The following CCDC73 variants were observed in gnomAD, a reference collection of about 807,000 sequenced individuals.
The protein encoded by CCDC73 is coiled-coil domain-containing protein 73.
A neutral mutation model predicts 116.5 loss-of-function variants in CCDC73; 95 were observed. The ratio of observed to expected loss-of-function variants is 0.82; its 90% CI spans 0.69 to 0.97. CCDC73 has a LOEUF of 0.97. Among genes scored for constraint, CCDC73 ranks in the 50% least tolerant of loss-of-function variants. The pLI is 0.00. For missense variants in CCDC73, 1,066 were observed against 1,206.8 expected, an observed-to-expected ratio of 0.88 and a Z score of 1.73; for synonymous variants, 398 against 401.3, an observed-to-expected ratio of 0.99 and a Z score of 0.10.
At chr11:32,667,946 TTGTC>T (rs1486421115) in intron 9 of CCDC73, among the ~76,000 whole-genome samples, 1 of 152,186 alleles carries the variant, frequency 6.6e-6, no homozygotes, top group Non-Finnish European at 1.5e-5. Context: ...CAGACAAAAT[TTGTC>T]TGTGTTCCAA....
At chr11:32,670,846 C>T (rs1480234229) in intron 9 of CCDC73, among the ~76,000 whole-genome samples, 4 of 151,958 alleles carry the variant, frequency 2.6e-5, no homozygotes, top group Non-Finnish European at 4.4e-5. Flanking sequence ...AATAGGGAGG[C>T]GGGGAGGAGA....
chr11:32,755,913 C>A (rs1204204303), intron 2 of CCDC73, among the ~76,000 whole-genome samples: 7 of 60,152 alleles, frequency 1.2e-4, no homozygotes, highest in South Asian at 7.0e-4. Flanking sequence ...CTATATATAT[C>A]TCCATATATA....
At chr11:32,641,866 T>G in intron 13 of CCDC73, 106 bp downstream of exon 13, 5 of 881,480 alleles carry the variant, frequency 5.7e-6, no homozygotes, top group Non-Finnish European at 7.6e-6. Context: ...ATGTGTCTGA[T>G]TTTAGTCCTC....
intron 5 of CCDC73, among the ~76,000 whole-genome samples, chr11:32,699,875 A>T (rs868244407): frequency 0.042 from 1,075 of 25,368 alleles, 9 homozygotes; most frequent in South Asian, 0.19. Flanking sequence ...AACTTAGATT[A>T]AAAAATATAT....
the CCDC73 span, among the ~76,000 whole-genome samples, chr11:32,800,394 A>G: frequency 6.6e-6 from 1 of 152,170 alleles, no homozygotes; most frequent in Non-Finnish European, 1.5e-5. Flanking sequence ...ACTGCACTTC[A>G]GCCTGGGCAA....
intron 1 of CCDC73, among the ~76,000 whole-genome samples, chr11:32,791,827 G>T (rs1438118461): frequency 6.6e-6 from 1 of 152,098 alleles, no homozygotes; most frequent in Admixed American, 6.5e-5. Flanking sequence ...GTATCCAGTT[G>T]CGGTAGTGTG....
intron 2 of CCDC73, among the ~76,000 whole-genome samples, chr11:32,732,716 G>T (rs1850090599): frequency 6.6e-6 from 1 of 152,164 alleles, no homozygotes; most frequent in East Asian, 1.9e-4. Context: ...ACAAGCAAAT[G>T]CTGAGAGATT....
intron 14 of CCDC73, among the ~76,000 whole-genome samples, chr11:32,624,455 T>C (rs1184485279): frequency 6.6e-6 from 1 of 152,200 alleles, no homozygotes; most frequent in Non-Finnish European, 1.5e-5. Flanking sequence ...ACAAAGATAT[T>C]TGTACAAGGA....
intron 1 of CCDC73, among the ~76,000 whole-genome samples, chr11:32,771,765 T>C (rs1850493887): frequency 6.6e-6 from 1 of 152,182 alleles, no homozygotes; most frequent in Non-Finnish European, 1.5e-5. Context: ...ATAAATTGCT[T>C]AATGGTGACA....
intron 1 of CCDC73, among the ~76,000 whole-genome samples, chr11:32,787,977 A>G (rs1354677800): frequency 6.6e-6 from 1 of 152,144 alleles, no homozygotes; most frequent in African/African-American, 2.4e-5. Context: ...CCCATATAGC[A>G]CAAGTGCCAA....
intron 14 of CCDC73, among the ~76,000 whole-genome samples, chr11:32,627,425 A>T (rs903577364): frequency 1.9e-4 from 29 of 152,174 alleles, no homozygotes; most frequent in Non-Finnish European, 3.7e-4. Context: ...TTCTTCAGGG[A>T]TCTAGAAGTA....
chr11:32,675,685 G>A (rs765022244), intron 8 of CCDC73, 41 bp from the exon 9 acceptor site: 1 of 1,443,342 alleles, frequency 6.9e-7, no homozygotes. Flanking sequence ...TATATTCAAT[G>A]TATATTTCAA....
chr11:32,750,040 T>A (rs146179599), intron 2 of CCDC73, among the ~76,000 whole-genome samples: 85,556 of 151,162 alleles, frequency 0.57, 24,588 homozygotes, highest in East Asian at 0.84. Flanking sequence ...CCGGCTAATT[T>A]TTTGTATTTT....
intron 2 of CCDC73, among the ~76,000 whole-genome samples, chr11:32,724,774 T>C (rs1224335187): frequency 6.6e-6 from 1 of 152,176 alleles, no homozygotes; most frequent in African/African-American, 2.4e-5. Context: ...TCACATCACA[T>C]GCGAACTGCC....
chr11:32,790,007 G>A (rs1850661468), intron 1 of CCDC73, among the ~76,000 whole-genome samples: 1 of 151,964 alleles, frequency 6.6e-6, no homozygotes, highest in African/African-American at 2.4e-5. Flanking sequence ...GTATTTTAGA[G>A]GGAAAAACAG....
intron 1 of CCDC73, among the ~76,000 whole-genome samples, chr11:32,787,731 A>AATTATACCC (rs1036383994): frequency 6.6e-6 from 1 of 152,160 alleles, no homozygotes; most frequent in Non-Finnish European, 1.5e-5. Flanking sequence ...TTGTGTGAAA[A>AATTATACCC]ATTATACCCA....
intron 2 of CCDC73, among the ~76,000 whole-genome samples, chr11:32,732,836 G>C (rs535780654): frequency 9.9e-5 from 15 of 152,226 alleles, no homozygotes; most frequent in African/African-American, 3.6e-4. Flanking sequence ...AAAGACCCTC[G>C]ATGCTAGGAA....
chr11:32,830,265 G>T, the CCDC73 span: 5,815 of 1,015,026 alleles, frequency 5.7e-3, 230 homozygotes, highest in African/African-American at 0.083. Context: ...CACATAGCGA[G>T]GGTTGCCCGC....
chr11:32,694,269 T>G (rs1402921034), intron 6 of CCDC73, among the ~76,000 whole-genome samples: 1 of 151,942 alleles, frequency 6.6e-6, no homozygotes, highest in East Asian at 1.9e-4. Flanking sequence ...TATACACCAA[T>G]AACAGACAAA....
Sources: gnomAD v4.1 joint callset for allele counts (sites outside exome capture counted in the v4.1 genomes callset) on GRCh38, gnomAD v4.1.1 for gene constraint, MANE v1.5 for transcripts, NCBI Gene and HGNC (gene_info 2026-07-23, HGNC 2026-07-21) for gene names.